The following EMC2 variants were observed in gnomAD, a reference collection of about 807,000 sequenced individuals.
EMC2 encodes the protein TPR repeat protein 35.
EMC2 carries 37 observed loss-of-function variants against 51.6 expected under a neutral mutation model. The observed-to-expected ratio is 0.72, with a 90% confidence interval of 0.55 to 0.94. The LOEUF is 0.94. EMC2 is among the 40% of genes least tolerant of loss of function. The pLI is 0.00. For missense variants in EMC2, 359 were observed against 350.9 expected (o/e 1.02, Z -0.18); for synonymous variants, 131 against 112.4 (o/e 1.17, Z -1.04).
intron 5 of EMC2, among the ~76,000 whole-genome samples, chr8:108,460,736 G>A (rs1819299444): frequency 6.6e-6 from 1 of 152,200 alleles, no homozygotes; most frequent in Admixed American, 6.5e-5. Context: ...AGCACTTCTA[G>A]TTTCAAGCAT....
In EMC2 at chr8:108,487,460, T is replaced by C. The variant is rs1811163570; in HGVS notation, c.*862T>C. ...TTCTATCATTACCTTAGTTAGAATTTTTTATTTTTCTCTTTTCATAATAAA... is the reference window on the plus strand; with the variant it reads ...TTCTATCATTACCTTAGTTAGAATTCTTTATTTTTCTCTTTTCATAATAAA... On this transcript the variant is annotated 3_prime_UTR_variant, in exon 11 of 11. Transcript: ENST00000220853. Among the ~76,000 whole-genome samples the C allele has an allele frequency of 6.6e-6, 1 of 151,982 alleles. No homozygotes were observed. Among genetic ancestry groups the C allele is most frequent in the Non-Finnish European group, 1.5e-5 (1 of 67,958 alleles).
In EMC2 at chr8:108,465,346, T is replaced by C. The variant is rs568483769; in HGVS notation, c.364-4480T>C. ...GTAGCCACCTTCCCTTTGATTGTTTTAGTAAACATCACAATAACCTTTATG... is the reference window on the plus strand; with the variant it reads ...GTAGCCACCTTCCCTTTGATTGTTTCAGTAAACATCACAATAACCTTTATG... On this transcript the variant is annotated intron_variant, in intron 5 of 10. Coordinates refer to ENST00000220853, the MANE Select transcript of EMC2 (RefSeq NM_014673.5). Among the ~76,000 whole-genome samples, 13 of 152,358 alleles carry C rather than the reference T, an allele frequency of 8.5e-5. No homozygotes were observed. The East Asian group carries it at 2.5e-3, about 29-fold the overall frequency.
At chr8:108,456,604 C>A (rs990972206) in intron 5 of EMC2, among the ~76,000 whole-genome samples, 4 of 151,834 alleles carry the variant, frequency 2.6e-5, no homozygotes, top group Admixed American at 2.6e-4. Context: ...GAAACATACC[C>A]CTTTAATTTA....
chr8:108,450,424 C>CA lies in EMC2; in HGVS notation c.155-4_155-3insA, dbSNP rs1277576286. 1 of 1,578,858 alleles carries CA rather than the reference C, an allele frequency of 6.3e-7. No individual in the cohort carries two copies. The highest frequency in any genetic ancestry group is 1.7e-5 in the Admixed American group (1 of 59,816). On this transcript the variant is annotated splice_region_variant and splice_polypyrimidine_tract_variant and intron_variant, in intron 2 of 10. Coordinates refer to ENST00000220853, the MANE Select transcript of EMC2 (RefSeq NM_014673.5). Reference sequence around the variant, plus strand: ...AGTTTTTTTCCCCCTTTATGTGTATCTAGTTTGGATCATATATGAACAGGT... The same window carrying CA: ...AGTTTTTTTCCCCCTTTATGTGTATCATAGTTTGGATCATATATGAACAGGT...
chr8:108,447,420 A>T (rs1818903608), intron 1 of EMC2, among the ~76,000 whole-genome samples: 1 of 152,162 alleles, frequency 6.6e-6, no homozygotes, highest in Non-Finnish European at 1.5e-5. Flanking sequence ...AGATACTTTT[A>T]TGGGACCATG....
At chr8:108,458,611 A>G (rs538045350) in intron 5 of EMC2, among the ~76,000 whole-genome samples, 36 of 152,200 alleles carry the variant, frequency 2.4e-4, no homozygotes, top group African/African-American at 8.2e-4. Flanking sequence ...CCTTTCGGCC[A>G]CAGGGGGAGT....
intron 5 of EMC2, among the ~76,000 whole-genome samples, chr8:108,463,738 C>CA (rs1176004554): frequency 1.3e-5 from 2 of 152,032 alleles, no homozygotes; most frequent in Non-Finnish European, 2.9e-5. Flanking sequence ...TCAGGCTTCT[C>CA]ACAGTGGTTA....
At chr8:108,459,234 G>C (rs1819246164) in intron 5 of EMC2, among the ~76,000 whole-genome samples, 1 of 152,078 alleles carries the variant, frequency 6.6e-6, no homozygotes, top group African/African-American at 2.4e-5. Context: ...ATCTTCTTCT[G>C]ACCCCTCCAA....
chr8:108,484,869 AAG>A (rs1457298485), intron 10 of EMC2, among the ~76,000 whole-genome samples: 2 of 152,050 alleles, frequency 1.3e-5, no homozygotes, highest in Non-Finnish European at 2.9e-5. Flanking sequence ...AAATTATAAA[AAG>A]ACAAAATTTT....
chr8:108,457,561 A>G (rs1421282208), intron 5 of EMC2, among the ~76,000 whole-genome samples: 1 of 152,190 alleles, frequency 6.6e-6, no homozygotes, highest in Non-Finnish European at 1.5e-5. Flanking sequence ...ACTGTAGATG[A>G]CAGCAGGCAA....
At chr8:108,451,950 A>C (rs1053084456) in intron 3 of EMC2, among the ~76,000 whole-genome samples, 4 of 152,252 alleles carry the variant, frequency 2.6e-5, no homozygotes, top group African/African-American at 9.6e-5. Context: ...TTTCAGCCAC[A>C]AACTTTGAAG....
chr8:108,449,487 G>T (rs1378726333), intron 1 of EMC2, among the ~76,000 whole-genome samples: 1 of 152,154 alleles, frequency 6.6e-6, no homozygotes, highest in Admixed American at 6.5e-5. Context: ...TGGCCAGGCT[G>T]GTCTTGAACT....
rs973975885 is a variant in EMC2, at chr8:108,444,507, A to G, written c.40+809A>G. 7.2e-5 allele frequency among the ~76,000 whole-genome samples: 11 copies of G among 152,132 alleles called. 1 individual carries two copies. Among genetic ancestry groups the G allele is most frequent in the Admixed American group, 7.2e-4 (11 of 15,274 alleles). On this transcript the variant is annotated intron_variant, in intron 1 of 10. Coordinates refer to ENST00000220853, the MANE Select transcript of EMC2 (RefSeq NM_014673.5). ...CGTGGAATTTGTGTAATTGGAATTC[A>G]TATTCCCAGCATTTAACATAATACA...
chr8:108,479,875 G>C (rs1811016181), intron 10 of EMC2, among the ~76,000 whole-genome samples: 1 of 152,066 alleles, frequency 6.6e-6, no homozygotes, highest in Admixed American at 6.6e-5. Flanking sequence ...GGGACTTCAG[G>C]TGCAGGCATC....
chr8:108,467,423 A>G (rs907505052), intron 5 of EMC2, among the ~76,000 whole-genome samples: 1 of 151,304 alleles, frequency 6.6e-6, no homozygotes, highest in Non-Finnish European at 1.5e-5. Flanking sequence ...GTCTCAGCTC[A>G]CTGCAACCTC....
intron 5 of EMC2, among the ~76,000 whole-genome samples, chr8:108,462,242 A>G (rs1819346590): frequency 2.2e-5 from 1 of 45,092 alleles, no homozygotes; most frequent in Middle Eastern, 0.016. Flanking sequence ...TTCCTCTGAC[A>G]GGGAGAATGG....
chr8:108,446,679 C>T (rs796805302), intron 1 of EMC2, among the ~76,000 whole-genome samples: 4 of 152,060 alleles, frequency 2.6e-5, no homozygotes, highest in Non-Finnish European at 4.4e-5. Context: ...ACTTGATTTT[C>T]GGATGCTGTG....
intron 1 of EMC2, 112 bp from the exon 2 acceptor site, chr8:108,449,711 A>T: frequency 1.8e-6 from 1 of 563,312 alleles, no homozygotes; most frequent in South Asian, 2.3e-5. Context: ...TTGTGAGTTT[A>T]TTTTCCTTAC....
At chr8:108,444,330 A>G (rs796075857) in intron 1 of EMC2, among the ~76,000 whole-genome samples, 32 of 152,290 alleles carry the variant, frequency 2.1e-4, no homozygotes, top group African/African-American at 7.7e-4. Context: ...GGGAAAAATA[A>G]CTAATTAACT....
Sources: allele counts gnomAD v4.1 joint callset (sites outside exome capture counted in the v4.1 genomes callset), GRCh38; gene constraint gnomAD v4.1.1; transcripts MANE v1.5; gene names NCBI Gene and HGNC (gene_info 2026-07-23, HGNC 2026-07-21).